Variants in DLG2 observed in about 807,000 individuals in gnomAD.
DLG2 encodes discs large MAGUK scaffold protein 2.
A neutral mutation model predicts 132.5 loss-of-function variants in DLG2; 45 were observed. That is an observed-to-expected ratio of 0.34 (90% confidence interval 0.27 to 0.44). The LOEUF (loss-of-function observed/expected upper bound fraction) is 0.44, where lower values mean the gene tolerates loss of function less well. Ranked by LOEUF, DLG2 falls within the 20% of genes least tolerant of loss-of-function variation. The pLI is 1.00. For missense variants in DLG2, 1,045 were observed against 1,196.9 expected (o/e 0.87, Z 1.87); for synonymous variants, 424 against 419.6 (o/e 1.01, Z -0.13).
rs570717800 is a variant in DLG2, at chr11:85,343,644, A to G, written c.41-58279T>C. On this transcript the variant is annotated intron_variant, in intron 3 of 27. Transcript: ENST00000376104. ...CTCTCTCTCTCTCTCACACACACAC[A>G]CGCGCGTACACGCACATACATACAC... Among the ~76,000 whole-genome samples, 36 of 152,092 alleles carry G rather than the reference A, an allele frequency of 2.4e-4. 2 individuals carry two copies. The South Asian group carries it at 6.7e-3, about 28-fold the overall frequency.
At chr11:85,192,855 T>C (rs1338776754) in intron 4 of DLG2, among the ~76,000 whole-genome samples, 1 of 152,196 alleles carries the variant, frequency 6.6e-6, no homozygotes, top group Non-Finnish European at 1.5e-5. Context: ...AATCCACCCA[T>C]GTTCCTGTGG....
intron 7 of DLG2, among the ~76,000 whole-genome samples, chr11:84,314,031 C>T (rs1021977594): frequency 6.6e-6 from 1 of 152,192 alleles, no homozygotes; most frequent in African/African-American, 2.4e-5. Flanking sequence ...TGTTAGTACA[C>T]AGTACCCCAA....
intron 3 of DLG2, among the ~76,000 whole-genome samples, chr11:85,324,472 G>A (rs942784816): frequency 2.6e-5 from 4 of 151,948 alleles, no homozygotes; most frequent in Admixed American, 1.3e-4. Flanking sequence ...TCAAAAATTC[G>A]GGAAAGACTA....
At chr11:85,426,216 G>T (rs889875914) in intron 3 of DLG2, among the ~76,000 whole-genome samples, 3 of 152,300 alleles carry the variant, frequency 2.0e-5, no homozygotes, top group Admixed American at 6.5e-5. Flanking sequence ...TGGGGGCAGG[G>T]CACAGCCAAA....
At chr11:85,469,436 A>G (rs1463207352) in intron 3 of DLG2, 1 of 152,266 alleles carries the variant, frequency 6.6e-6, no homozygotes, top group East Asian at 1.9e-4. Flanking sequence ...ATAACAAAAA[A>G]GGATCTAATG....
intron 7 of DLG2, among the ~76,000 whole-genome samples, chr11:84,406,113 T>C (rs1261598909): frequency 6.6e-6 from 1 of 152,086 alleles, no homozygotes; most frequent in African/African-American, 2.4e-5. Flanking sequence ...AAACTCCCCA[T>C]TTATTTTGTC....
chr11:85,221,162 C>A lies in DLG2; in HGVS notation c.186+64058G>T, dbSNP rs886931221. 2.6e-5 allele frequency among the ~76,000 whole-genome samples: 4 copies of A among 151,880 alleles called. No individual in the cohort carries two copies. In the East Asian group the frequency reaches 7.7e-4, roughly 29 times the overall value. The stretch of plus-strand genomic sequence containing the variant: ...GGTTCATGCCATTCTCCTGACTCAG[C>A]CTCTCGAGTAGCTGGGACTACAGGT... On this transcript the variant is annotated intron_variant, in intron 4 of 27. Coordinates refer to ENST00000376104, the MANE Select transcript of DLG2 (RefSeq NM_001142699.3).
intron 6 of DLG2, among the ~76,000 whole-genome samples, chr11:84,931,047 C>T (rs1308657895): frequency 6.6e-6 from 1 of 152,070 alleles, no homozygotes; most frequent in Non-Finnish European, 1.5e-5. Context: ...CTATCTTCAC[C>T]CTCACCCTCC....
intron 4 of DLG2, among the ~76,000 whole-genome samples, chr11:85,195,110 G>A (rs1347678552): frequency 6.6e-6 from 1 of 152,178 alleles, no homozygotes; most frequent in Non-Finnish European, 1.5e-5. Flanking sequence ...AATTCCCTAT[G>A]TTCCTGAGAA....
intron 3 of DLG2, among the ~76,000 whole-genome samples, chr11:85,586,870 G>A (rs750734700): frequency 2.0e-5 from 3 of 152,038 alleles, no homozygotes; most frequent in Non-Finnish European, 4.4e-5. Context: ...CTTTTGCTGT[G>A]TCCCAGAGGT....
chr11:84,040,601 C>T (rs2096045804), intron 11 of DLG2, among the ~76,000 whole-genome samples: 1 of 151,964 alleles, frequency 6.6e-6, no homozygotes, highest in African/African-American at 2.4e-5. Flanking sequence ...GGTACCAGTA[C>T]CATGCTGTTT....
intron 6 of DLG2, among the ~76,000 whole-genome samples, chr11:85,105,019 C>T (rs2071511393): frequency 6.6e-6 from 1 of 151,670 alleles, no homozygotes; most frequent in Non-Finnish European, 1.5e-5. Context: ...GCTGGGGACA[C>T]TGAGCATAAA....
intron 18 of DLG2, among the ~76,000 whole-genome samples, chr11:83,776,507 C>T (rs2094588630): frequency 6.6e-6 from 1 of 152,180 alleles, no homozygotes; most frequent in Non-Finnish European, 1.5e-5. Flanking sequence ...TGCTTTCTGG[C>T]CTACTTTCTA....
chr11:84,180,789 G>A (rs1359236869), intron 8 of DLG2, among the ~76,000 whole-genome samples: 1 of 151,638 alleles, frequency 6.6e-6, no homozygotes, highest in Non-Finnish European at 1.5e-5. Flanking sequence ...GAAAGTGTGG[G>A]GAGAAAAAGA....
intron 18 of DLG2, among the ~76,000 whole-genome samples, chr11:83,649,826 G>A (rs73507184): frequency 0.013 from 2,019 of 152,240 alleles, 45 homozygotes; most frequent in African/African-American, 0.045. Context: ...TTTCAAGAAT[G>A]TCTGTTTTTC....
chr11:84,668,747 C>A (rs2099702512), intron 6 of DLG2, among the ~76,000 whole-genome samples: 1 of 152,092 alleles, frequency 6.6e-6, no homozygotes. Context: ...AATTTTTATC[C>A]TCTTCTTTCC....
intron 10 of DLG2, among the ~76,000 whole-genome samples, chr11:84,067,225 T>G (rs2096687992): frequency 6.6e-6 from 1 of 151,900 alleles, no homozygotes; most frequent in Non-Finnish European, 1.5e-5. Flanking sequence ...TCCCAGCTAC[T>G]TGGGAGGCTG....
intron 3 of DLG2, among the ~76,000 whole-genome samples, chr11:85,322,768 C>G (rs542426111): frequency 6.6e-6 from 1 of 152,212 alleles, no homozygotes; most frequent in African/African-American, 2.4e-5. Flanking sequence ...TCTGCCACTT[C>G]CCCCTCTCCA....
intron 20 of DLG2, among the ~76,000 whole-genome samples, chr11:83,535,718 GT>G (rs1318290302): frequency 2.5e-4 from 38 of 152,152 alleles, no homozygotes; most frequent in African/African-American, 7.7e-4. Context: ...CATGAAGGAA[GT>G]TGAAAAGCTT....
Sources: gnomAD v4.1 joint callset for allele counts (sites outside exome capture counted in the v4.1 genomes callset) on GRCh38, gnomAD v4.1.1 for gene constraint, MANE v1.5 for transcripts, NCBI Gene and HGNC (gene_info 2026-07-23, HGNC 2026-07-21) for gene names.